Variants in MGAT5 observed in about 807,000 individuals in gnomAD.
MGAT5 encodes alpha-1,6-mannosylglycoprotein 6-beta-N-acetylglucosaminyltransferase.
In MGAT5, 30 loss-of-function variants were observed where a neutral mutation model predicts 94.3. The observed-to-expected ratio is 0.32, with a 90% CI of 0.24 to 0.43. The LOEUF is 0.43. Among genes scored for constraint, MGAT5 ranks in the 20% least tolerant of loss-of-function variants. MGAT5 has a pLI of 1.00. For synonymous variants in MGAT5, 310 were observed against 322.9 expected (o/e 0.96, Z 0.43); for missense variants, 691 against 905.5 (o/e 0.76, Z 3.04).
chr2:134,313,521 G>T lies in MGAT5; in HGVS notation c.407-4008G>T, dbSNP rs74896553. On this transcript the variant is annotated intron_variant, in intron 2 of 15. Transcript: ENST00000281923. Reference sequence around the variant, plus strand: ...GGGAAAGATGTTGCAACCTGGGCTGGTGTAAGGGTAACGGATTAAACCGAA... The same window carrying T: ...GGGAAAGATGTTGCAACCTGGGCTGTTGTAAGGGTAACGGATTAAACCGAA... Among the ~76,000 whole-genome samples the T allele has an allele frequency of 8.1e-3, 1,225 of 152,168 alleles. 13 individuals are homozygous for T. Among genetic ancestry groups the T allele is most frequent in the African/African-American group, 0.028 (1,168 of 41,528 alleles).
At chr2:134,188,563 T>G (rs958294705) in intron 1 of MGAT5, among the ~76,000 whole-genome samples, 6 of 152,216 alleles carry the variant, frequency 3.9e-5, no homozygotes, top group Non-Finnish European at 7.3e-5. Context: ...AGGAAGAAGA[T>G]TGTTGGTCAT....
rs201546855 is a variant in MGAT5, at chr2:134,345,054, G to C, written c.1102G>C (p.Val368Leu). Residue 368 changes from valine to leucine, a missense_variant, in exon 8 of 16, where the codon GTT becomes CTT. Around this residue, in one of 4 missense-constraint regions of MGAT5, gnomAD observed 121 missense variants for 206.1 expected, o/e 0.59. Coordinates refer to ENST00000281923, the MANE Select transcript of MGAT5 (RefSeq NM_002410.5). Reference sequence around the variant, plus strand: ...CAAGAAAACTCTTGGACCATCCTGGGTTCATTACCAGTAAGTGCTACATGG... The same window carrying C: ...CAAGAAAACTCTTGGACCATCCTGGCTTCATTACCAGTAAGTGCTACATGG... ...QFKKTLGPSW[V>L]HYQCMLRVLD... 463 of 1,612,836 alleles carry C rather than the reference G, an allele frequency of 2.9e-4. No individual in the cohort carries two copies. The highest frequency in any genetic ancestry group is 3.7e-4 in the Non-Finnish European group (436 of 1,179,334).
chr2:134,137,840 G>C (rs544018726), intron 1 of MGAT5, among the ~76,000 whole-genome samples: 1 of 149,004 alleles, frequency 6.7e-6, no homozygotes, highest in South Asian at 2.1e-4. Flanking sequence ...TAATGTATTT[G>C]TATTTAACAA....
chr2:134,197,517 A>G (rs1679556616), intron 1 of MGAT5, among the ~76,000 whole-genome samples: 1 of 152,214 alleles, frequency 6.6e-6, no homozygotes, highest in South Asian at 2.1e-4. Flanking sequence ...CTCCTGGTAT[A>G]ACTTGCTATC....
At chr2:134,406,351 C>G (rs1683331728) in intron 11 of MGAT5, among the ~76,000 whole-genome samples, 2 of 152,294 alleles carry the variant, frequency 1.3e-5, no homozygotes, top group South Asian at 4.1e-4. Flanking sequence ...TCGCTGTACC[C>G]CTTCTGTACC....
intron 12 of MGAT5, among the ~76,000 whole-genome samples, chr2:134,416,056 G>A (rs1574054350): frequency 6.6e-6 from 1 of 152,008 alleles, no homozygotes; most frequent in East Asian, 1.9e-4. Flanking sequence ...ATTTTTCCAT[G>A]TTTTATGCCC....
chr2:134,414,740 T>C (rs1423796948), intron 12 of MGAT5, among the ~76,000 whole-genome samples: 2 of 152,200 alleles, frequency 1.3e-5, no homozygotes, highest in African/African-American at 4.8e-5. Context: ...TAACTGAGAC[T>C]TTGACCAACA....
At chr2:134,370,213 A>C (rs1573939549) in intron 10 of MGAT5, among the ~76,000 whole-genome samples, 1 of 152,366 alleles carries the variant, frequency 6.6e-6, no homozygotes, top group African/African-American at 2.4e-5. Context: ...TTAATGAACC[A>C]CCCAAGACCT....
chr2:134,145,269 G>C (rs1378169293), intron 1 of MGAT5, among the ~76,000 whole-genome samples: 1 of 150,588 alleles, frequency 6.6e-6, no homozygotes, highest in Non-Finnish European at 1.5e-5. Context: ...AATGCGGGCT[G>C]GGCGCGGTGG....
At chr2:134,303,418 A>AT (rs1417578031) in intron 2 of MGAT5, among the ~76,000 whole-genome samples, 1 of 151,940 alleles carries the variant, frequency 6.6e-6, no homozygotes, top group Non-Finnish European at 1.5e-5. Context: ...AAGAGTACTG[A>AT]TTTTTTTTCT....
At chr2:134,275,681 C>G (rs1684316615) in intron 2 of MGAT5, among the ~76,000 whole-genome samples, 1 of 148,810 alleles carries the variant, frequency 6.7e-6, no homozygotes, top group Non-Finnish European at 1.5e-5. Flanking sequence ...CCTTCCATGT[C>G]CCCACCCCCT....
At chr2:134,159,741 C>A (rs769005977) in intron 1 of MGAT5, among the ~76,000 whole-genome samples, 9 of 152,162 alleles carry the variant, frequency 5.9e-5, no homozygotes, top group Non-Finnish European at 1.5e-5. Context: ...CTGCCCCTCT[C>A]CACTCCCGCC....
chr2:134,410,935 G>A (rs1055422517), intron 11 of MGAT5, among the ~76,000 whole-genome samples: 1 of 152,118 alleles, frequency 6.6e-6, no homozygotes, highest in Non-Finnish European at 1.5e-5. Flanking sequence ...CCCAACCACG[G>A]CCTGACAGAG....
chr2:134,386,405 G>C (rs1305182052), intron 10 of MGAT5, among the ~76,000 whole-genome samples: 1 of 152,180 alleles, frequency 6.6e-6, no homozygotes, highest in East Asian at 1.9e-4. Context: ...GTGAATATTA[G>C]ATTAAACCGT....
chr2:134,299,932 C>T (rs1685917080), intron 2 of MGAT5, among the ~76,000 whole-genome samples: 1 of 152,166 alleles, frequency 6.6e-6, no homozygotes, highest in African/African-American at 2.4e-5. Flanking sequence ...ATATAACTCT[C>T]TGAATACCTG....
intron 12 of MGAT5, among the ~76,000 whole-genome samples, chr2:134,418,890 G>A (rs1297433150): frequency 1.3e-5 from 2 of 152,190 alleles, no homozygotes; most frequent in African/African-American, 2.4e-5. Flanking sequence ...AGGGACCAGC[G>A]AGCTTGATCT....
At chr2:134,417,015 T>C (rs1684016347) in intron 12 of MGAT5, among the ~76,000 whole-genome samples, 1 of 151,994 alleles carries the variant, frequency 6.6e-6, no homozygotes, top group Non-Finnish European at 1.5e-5. Context: ...TATAAATCAT[T>C]TTGTTTATTC....
intron 2 of MGAT5, among the ~76,000 whole-genome samples, chr2:134,296,182 C>T (rs1246516237): frequency 6.6e-6 from 1 of 152,106 alleles, no homozygotes; most frequent in Non-Finnish European, 1.5e-5. Flanking sequence ...AGTTTAGTTA[C>T]CATGTTTTCT....
At chr2:134,320,288 A>C (rs910185060) in intron 4 of MGAT5, among the ~76,000 whole-genome samples, 2 of 152,196 alleles carry the variant, frequency 1.3e-5, no homozygotes, top group African/African-American at 4.8e-5. Context: ...AGTAACTAAA[A>C]GATAGTTACA....
Sources: allele counts gnomAD v4.1 joint callset (sites outside exome capture counted in the v4.1 genomes callset), GRCh38; gene constraint gnomAD v4.1.1; regional missense constraint gnomAD v4.1.1; transcripts MANE v1.5; gene names NCBI Gene and HGNC (gene_info 2026-07-23, HGNC 2026-07-21).